Variants in PTPRA observed in about 807,000 individuals in gnomAD.
PTPRA encodes protein tyrosine phosphatase receptor type A, also known as receptor-type tyrosine-protein phosphatase alpha.
PTPRA carries 25 observed loss-of-function variants against 104.8 expected under a neutral mutation model. The observed-to-expected ratio is 0.24, with a 90% CI of 0.17 to 0.33. The LOEUF is 0.33. PTPRA is among the 10% of genes least tolerant of loss of function. The pLI is 1.00. For missense variants in PTPRA, 765 were observed against 1,015.3 expected (o/e 0.75, Z 3.35); for synonymous variants, 323 against 368.9 (o/e 0.88, Z 1.43).
intron 1 of PTPRA, among the ~76,000 whole-genome samples, chr20:2,920,503 C>CT (rs773863145): frequency 8.5e-5 from 13 of 152,178 alleles, no homozygotes; most frequent in Non-Finnish European, 1.6e-4. Context: ...CCCAGCAACT[C>CT]TAATGTGCAG....
In PTPRA at chr20:2,964,719, G is replaced by T. The variant is rs919419628; in HGVS notation, c.74-142G>T. 4 of 706,888 alleles carry T rather than the reference G, an allele frequency of 5.7e-6. No homozygotes were observed. The African/African-American group carries it at 7.2e-5, about 13-fold the overall frequency. 43.8% of individuals were successfully genotyped at this position (706,888 alleles called of 1,614,324 possible). On this transcript the variant is annotated intron_variant, in intron 4 of 23. Transcript: ENST00000399903. ...GGTCCAGCATGAGATAAAAACGTAG[G>T]GGGTGGGTGGTGTTGAGGGGGATTG...
intron 10 of PTPRA, among the ~76,000 whole-genome samples, chr20:3,006,112 G>T (rs2063857558): frequency 6.6e-6 from 1 of 151,418 alleles, no homozygotes; most frequent in South Asian, 2.1e-4. Flanking sequence ...TCCTGCTTTG[G>T]TCTCCCAAGT....
At chr20:3,000,675 G>A (rs568545416) in intron 9 of PTPRA, among the ~76,000 whole-genome samples, 20 of 152,196 alleles carry the variant, frequency 1.3e-4, no homozygotes, top group African/African-American at 4.1e-4. Flanking sequence ...TTTTAACACC[G>A]TCTCAAATGG....
chr20:2,989,066 A>G (rs368485359), intron 9 of PTPRA, among the ~76,000 whole-genome samples: 8 of 152,174 alleles, frequency 5.3e-5, no homozygotes, highest in South Asian at 4.1e-4. Flanking sequence ...CATTTTTTAT[A>G]ATTCCCACAA....
intron 9 of PTPRA, 142 bp downstream of exon 9, chr20:2,988,616 C>A: frequency 2.4e-6 from 3 of 1,234,032 alleles, no homozygotes; most frequent in Non-Finnish European, 2.2e-6. Flanking sequence ...GTTTATCTGA[C>A]TCCCTGTATG....
At position 3,038,414 on chromosome 20, in the gene PTPRA, T is replaced by G. The variant is rs1227394945; in HGVS notation, c.*281T>G. 4 of 336,624 alleles carry G rather than the reference T, an allele frequency of 1.2e-5. No homozygotes were observed. The highest frequency in any genetic ancestry group is 2.2e-5 in the Non-Finnish European group (4 of 180,878). The allele number at this position is 336,624 out of a possible 1,614,324, so 20.9% of individuals were successfully genotyped here. A position where few individuals can be genotyped will look rare whatever the true frequency, so the allele number is the denominator to read the frequency against. ...GCTGGATTGTGCTTTGGTTAATACATCTTTCCCTAAAGAAGATAAACACAA... is the reference window on the plus strand; with the variant it reads ...GCTGGATTGTGCTTTGGTTAATACAGCTTTCCCTAAAGAAGATAAACACAA... On this transcript the variant is annotated 3_prime_UTR_variant, in exon 24 of 24. Transcript: ENST00000399903.
chr20:2,925,211 C>T (rs561632401), intron 2 of PTPRA, among the ~76,000 whole-genome samples: 1 of 152,284 alleles, frequency 6.6e-6, no homozygotes, highest in Admixed American at 6.5e-5. Context: ...CCCCCAGCTG[C>T]TGGCAACCAT....
At chr20:2,939,036 A>G (rs1015997674) in intron 2 of PTPRA, among the ~76,000 whole-genome samples, 1 of 152,132 alleles carries the variant, frequency 6.6e-6, no homozygotes, top group Non-Finnish European at 1.5e-5. Flanking sequence ...CAACCTGTTT[A>G]GGTTTAGAAC....
chr20:2,957,169 C>G (rs2061566266), intron 3 of PTPRA, among the ~76,000 whole-genome samples: 1 of 152,182 alleles, frequency 6.6e-6, no homozygotes, highest in African/African-American at 2.4e-5. Context: ...CCTGTAGTCC[C>G]AGCTACTCGG....
intron 1 of PTPRA, among the ~76,000 whole-genome samples, chr20:2,891,598 A>T (rs1249804012): frequency 6.6e-6 from 1 of 152,150 alleles, no homozygotes; most frequent in Non-Finnish European, 1.5e-5. Flanking sequence ...CTGTCAAGTC[A>T]CTTATTGTAT....
chr20:3,019,214 A>C (rs1431737737), intron 13 of PTPRA, among the ~76,000 whole-genome samples: 8 of 112,062 alleles, frequency 7.1e-5, no homozygotes, highest in Admixed American at 8.9e-5. Flanking sequence ...TGACCCCCCC[A>C]CCTCCCTCCC....
At chr20:2,928,794 A>G (rs1191988979) in intron 2 of PTPRA, among the ~76,000 whole-genome samples, 1 of 143,716 alleles carries the variant, frequency 7.0e-6, no homozygotes, top group Admixed American at 6.9e-5. Flanking sequence ...TTTCCTGGAG[A>G]TTGTCATAAC....
At chr20:2,932,037 G>A (rs1334747744) in intron 2 of PTPRA, among the ~76,000 whole-genome samples, 1 of 152,144 alleles carries the variant, frequency 6.6e-6, no homozygotes, top group Non-Finnish European at 1.5e-5. Flanking sequence ...TTAATCCAAT[G>A]CCTGGTCCTT....
chr20:2,958,207 CAG>C lies in PTPRA; in HGVS notation c.-6-6059_-6-6058del, dbSNP rs920021458. Among the ~76,000 whole-genome samples, 2 of 151,982 alleles carry C rather than the reference CAG, an allele frequency of 1.3e-5. 1 individual carries two copies. Among genetic ancestry groups the C allele is most frequent in the Admixed American group, 1.3e-4 (2 of 15,254 alleles). ...CAGAGAGCAGGTGTGGTAGACATAA[CAG>C]AGAGAACTACAAGGATAGAAAGTGT... On this transcript the variant is annotated intron_variant, in intron 3 of 23. Coordinates refer to ENST00000399903, the MANE Select transcript of PTPRA (RefSeq NM_001385305.1).
intron 1 of PTPRA, among the ~76,000 whole-genome samples, chr20:2,877,385 G>C (rs670988): frequency 6.6e-6 from 1 of 151,934 alleles, no homozygotes; most frequent in East Asian, 1.9e-4. Flanking sequence ...TCAGCCTCCC[G>C]AGTAGCTGGG....
intron 2 of PTPRA, among the ~76,000 whole-genome samples, chr20:2,944,003 A>G (rs1394020241): frequency 6.6e-6 from 1 of 151,366 alleles, no homozygotes; most frequent in Non-Finnish European, 1.5e-5. Context: ...GTGAATATCA[A>G]TCAATGCTGG....
chr20:2,899,829 A>G (rs1051685902), intron 1 of PTPRA, among the ~76,000 whole-genome samples: 3 of 152,310 alleles, frequency 2.0e-5, no homozygotes, highest in African/African-American at 7.2e-5. Flanking sequence ...ATCTGAGGCC[A>G]GGCACAGTGG....
chr20:2,980,613 G>A (rs1199799119), intron 6 of PTPRA, among the ~76,000 whole-genome samples: 1 of 151,992 alleles, frequency 6.6e-6, no homozygotes, highest in Non-Finnish European at 1.5e-5. Flanking sequence ...ATTTTGGGAG[G>A]CCAAGGCAAG....
At chr20:3,007,016 T>G (rs1171112744) in intron 10 of PTPRA, among the ~76,000 whole-genome samples, 1 of 152,200 alleles carries the variant, frequency 6.6e-6, no homozygotes, top group East Asian at 1.9e-4. Flanking sequence ...AATACATATT[T>G]TTTAATATGA....
Sources: gnomAD v4.1 joint callset for allele counts (sites outside exome capture counted in the v4.1 genomes callset) on GRCh38, gnomAD v4.1.1 for gene constraint, MANE v1.5 for transcripts, NCBI Gene and HGNC (gene_info 2026-07-23, HGNC 2026-07-21) for gene names.